Variants in ESRRG observed in about 807,000 individuals in gnomAD.
ESRRG encodes the protein estrogen-related receptor gamma.
ESRRG carries 13 observed loss-of-function variants against 44.0 expected under a neutral mutation model. The observed-to-expected ratio is 0.30, with a 90% CI of 0.19 to 0.47. The LOEUF (loss-of-function observed/expected upper bound fraction) is 0.47. Ranked by LOEUF, ESRRG falls within the 20% of genes least tolerant of loss-of-function variation. The pLI is 1.00. For missense variants in ESRRG, 395 were observed against 580.6 expected (o/e 0.68, Z 3.29); for synonymous variants, 215 against 214.6 (o/e 1.00, Z -0.02).
intron 5 of ESRRG, among the ~76,000 whole-genome samples, chr1:216,520,605 A>G (rs545380128): frequency 4.6e-5 from 7 of 152,244 alleles, no homozygotes; most frequent in African/African-American, 1.4e-4. Flanking sequence ...CTCAAGTCCT[A>G]AAAAAGAAAT....
At chr1:216,819,958 T>C (rs2148592894) in intron 2 of ESRRG, among the ~76,000 whole-genome samples, 1 of 152,224 alleles carries the variant, frequency 6.6e-6, no homozygotes, top group East Asian at 1.9e-4. Context: ...TATTGCCAAG[T>C]AATAGAGAGA....
At chr1:217,122,085 A>G (rs1412530131) in intron 1 of ESRRG, among the ~76,000 whole-genome samples, 1 of 152,258 alleles carries the variant, frequency 6.6e-6, no homozygotes, top group African/African-American at 2.4e-5. Flanking sequence ...GATGGGCCAG[A>G]TCAATCATTC....
At chr1:217,042,691 T>C (rs1377734346) in intron 1 of ESRRG, among the ~76,000 whole-genome samples, 1 of 151,976 alleles carries the variant, frequency 6.6e-6, no homozygotes, top group Non-Finnish European at 1.5e-5. Flanking sequence ...CTAATTCTAA[T>C]TATAAACAGT....
Position 216,747,399 on chromosome 1 carries a change from A to G in ESRRG, c.-13-69908T>C, listed in dbSNP as rs573344262. The stretch of plus-strand genomic sequence containing the variant: ...TTGTCTCACGTGCTAGGTCCTCACA[A>G]TATCATTCATATGGCTCTGTTCCTC... On this transcript the variant is annotated intron_variant, in intron 2 of 7. Coordinates refer to the ESRRG transcript ENST00000359162. 3.9e-5 allele frequency among the ~76,000 whole-genome samples: 6 copies of G among 152,238 alleles called. No individual in the cohort carries two copies. In the South Asian group the frequency reaches 1.2e-3, roughly 32 times the overall value.
chr1:216,931,441 C>T (rs2063327392), intron 2 of ESRRG, among the ~76,000 whole-genome samples: 1 of 152,270 alleles, frequency 6.6e-6, no homozygotes, highest in South Asian at 2.1e-4. Context: ...CTTCCTTATT[C>T]TGGAAAATGG....
At chr1:217,015,194 G>A (rs2150841215) in intron 1 of ESRRG, among the ~76,000 whole-genome samples, 1 of 152,260 alleles carries the variant, frequency 6.6e-6, no homozygotes, top group East Asian at 1.9e-4. Flanking sequence ...TCTGAAAATA[G>A]TGCAGGGGCT....
At chr1:216,588,132 T>C (rs772912393) in intron 3 of ESRRG, among the ~76,000 whole-genome samples, 2 of 152,202 alleles carry the variant, frequency 1.3e-5, no homozygotes, top group Non-Finnish European at 2.9e-5. Context: ...TGTGAACCAA[T>C]ATCAATAAAT....
chr1:217,057,357 A>ATAG (rs2087342956), intron 1 of ESRRG, among the ~76,000 whole-genome samples: 1 of 152,212 alleles, frequency 6.6e-6, no homozygotes, highest in African/African-American at 2.4e-5. Context: ...GAACAATGGA[A>ATAG]TAGTATCAAG....
chr1:217,103,189 T>C (rs1288318931), intron 1 of ESRRG, among the ~76,000 whole-genome samples: 1 of 151,842 alleles, frequency 6.6e-6, no homozygotes, highest in Admixed American at 6.6e-5. Flanking sequence ...TTGCAGGGAG[T>C]GGAAGTTGAT....
intron 1 of ESRRG, among the ~76,000 whole-genome samples, chr1:216,940,969 CAA>C (rs1437182316): frequency 2.6e-5 from 4 of 152,066 alleles, no homozygotes; most frequent in African/African-American, 7.2e-5. Flanking sequence ...TCAACTAAGA[CAA>C]GAGAACGAGG....
chr1:216,781,944 G>A (rs568346787), intron 2 of ESRRG, among the ~76,000 whole-genome samples: 3 of 152,136 alleles, frequency 2.0e-5, no homozygotes, highest in Admixed American at 6.6e-5. Flanking sequence ...TCTGAAGGTC[G>A]ATAAGTTTCA....
intron 1 of ESRRG, among the ~76,000 whole-genome samples, chr1:216,968,034 T>C (rs2070826179): frequency 6.6e-6 from 1 of 152,210 alleles, no homozygotes; most frequent in Admixed American, 6.6e-5. Context: ...TATTTGTATT[T>C]CTTCTTTTGT....
intron 5 of ESRRG, among the ~76,000 whole-genome samples, chr1:216,521,838 T>C (rs1038008701): frequency 6.6e-6 from 1 of 152,096 alleles, no homozygotes; most frequent in Non-Finnish European, 1.5e-5. Context: ...ACAAACGCTG[T>C]TTCAGGACAC....
intron 1 of ESRRG, among the ~76,000 whole-genome samples, chr1:217,004,394 G>C (rs1001820989): frequency 6.6e-6 from 1 of 152,132 alleles, no homozygotes; most frequent in African/African-American, 2.4e-5. Context: ...AGAGCTGATG[G>C]TTTTATAAAT....
At position 216,625,423 on chromosome 1, in the gene ESRRG, C is replaced by CAAA. The variant is rs57817803; in HGVS notation, c.589+25547_589+25549dup. On this transcript the variant is annotated intron_variant, in intron 3 of 6. Transcript: ENST00000408911. ...AAACTCTTTACTGATGCTCATTTGG[C>CAAA]AAAAAAAAAAAAAAAAATCTATATT... Among the ~76,000 whole-genome samples the CAAA allele has an allele frequency of 4.3e-3, 499 of 115,688 alleles. 19 individuals carry two copies. The East Asian group carries it at 0.072, about 17-fold the overall frequency. 75.9% of individuals were successfully genotyped at this position (115,688 alleles called of 152,430 possible).
At chr1:216,960,008 G>C (rs918156010) in intron 1 of ESRRG, among the ~76,000 whole-genome samples, 6 of 152,208 alleles carry the variant, frequency 3.9e-5, no homozygotes, top group Non-Finnish European at 8.8e-5. Flanking sequence ...AATTCATACA[G>C]CTGGTCGGTT....
intron 2 of ESRRG, among the ~76,000 whole-genome samples, chr1:216,735,987 A>AAAATATATAT (rs1453476198): frequency 1.5e-4 from 21 of 137,090 alleles, no homozygotes; most frequent in African/African-American, 5.6e-4. Context: ...CTCAAAAAAA[A>AAAATATATAT]ATATATATAT....
At chr1:216,607,820 C>T (rs1558782394) in intron 3 of ESRRG, among the ~76,000 whole-genome samples, 2 of 152,068 alleles carry the variant, frequency 1.3e-5, no homozygotes, top group Non-Finnish European at 2.9e-5. Context: ...CTTTGCGTGG[C>T]TTTTTTAAAA....
intron 1 of ESRRG, among the ~76,000 whole-genome samples, chr1:217,136,709 T>A (rs979380606): frequency 2.6e-5 from 4 of 152,134 alleles, no homozygotes; most frequent in Non-Finnish European, 1.5e-5. Context: ...GGCCGGATTG[T>A]GGGTGGTGAT....
Sources: allele counts gnomAD v4.1 joint callset (sites outside exome capture counted in the v4.1 genomes callset), GRCh38; gene constraint gnomAD v4.1.1; transcripts MANE v1.5; gene names NCBI Gene and HGNC (gene_info 2026-07-23, HGNC 2026-07-21).